Variants in CACNA1E observed in about 807,000 individuals in gnomAD.
CACNA1E encodes the protein calcium voltage-gated channel subunit alpha1 E, also known as voltage-dependent R-type calcium channel subunit alpha-1E.
CACNA1E carries 40 observed loss-of-function variants against 259.2 expected under a neutral mutation model. The observed-to-expected ratio is 0.15, with a 90% confidence interval of 0.12 to 0.20. The LOEUF (loss-of-function observed/expected upper bound fraction) is 0.20, where lower values mean the gene tolerates loss of function less well. Ranked by LOEUF, CACNA1E falls within the 10% of genes least tolerant of loss-of-function variation. CACNA1E has a pLI of 1.00. For missense variants in CACNA1E, 1,874 were observed against 3,040.1 expected, an observed-to-expected ratio of 0.62 and a Z score of 9.02; for synonymous variants, 1,104 against 1,138.5, an observed-to-expected ratio of 0.97 and a Z score of 0.61.
In CACNA1E at chr1:181,410,822, A is replaced by G. The variant is rs1245240132; in HGVS notation, c.-14-2311A>G. On this transcript the variant is annotated intron_variant, in intron 1 of 11. Transcript: ENST00000524607. ...ATCCATAAAATGATATGGTTAGATC[A>G]TTATAATTCCTAACCATTGAAATAG... is the stretch of plus-strand genomic sequence containing the variant. 3.3e-5 allele frequency among the ~76,000 whole-genome samples: 5 copies of G among 152,340 alleles called. No individual in the cohort carries two copies. In the East Asian group the frequency reaches 9.6e-4, roughly 29 times the overall value.
chr1:181,701,740 C>T (rs1652280589), intron 7 of CACNA1E, among the ~76,000 whole-genome samples: 1 of 152,172 alleles, frequency 6.6e-6, no homozygotes, highest in South Asian at 2.1e-4. Context: ...CATGTGAGAA[C>T]TCATAACTTT....
At chr1:181,429,001 G>A (rs897420671) in intron 2 of CACNA1E, among the ~76,000 whole-genome samples, 1 of 152,058 alleles carries the variant, frequency 6.6e-6, no homozygotes, top group African/African-American at 2.4e-5. Context: ...GGCCAATATG[G>A]TGAAACCCCA....
chr1:181,399,365 T>G (rs1342232315), intron 1 of CACNA1E, among the ~76,000 whole-genome samples: 3 of 152,230 alleles, frequency 2.0e-5, no homozygotes, highest in Non-Finnish European at 4.4e-5. Context: ...CCTCTCTTCA[T>G]TGTTTTTATT....
intron 3 of CACNA1E, among the ~76,000 whole-genome samples, chr1:181,561,725 GAATGTAGCTGTGATAAAT>G (rs1649346662): frequency 6.6e-6 from 1 of 152,192 alleles, no homozygotes; most frequent in South Asian, 2.1e-4. Flanking sequence ...GGGCAATTAT[GAATGTAGCTGTGATAAAT>G]AACTATTCAT....
At chr1:181,483,078 C>T (rs949779998), upstream of CACNA1E, among the ~76,000 whole-genome samples, 2 of 152,244 alleles carry the variant, frequency 1.3e-5, no homozygotes, top group Non-Finnish European at 2.9e-5. Flanking sequence ...CTCCCCACCT[C>T]CCTCCCTCTT....
At chr1:181,726,189 CCCTGAGCT>C in intron 18 of CACNA1E, 27 bp downstream of exon 18, 1 of 1,517,382 alleles carries the variant, frequency 6.6e-7, no homozygotes, top group Non-Finnish European at 9.1e-7. Context: ...CTTCACTGAT[CCCTGAGCT>C]CCTGTGCTAA....
intron 6 of CACNA1E, among the ~76,000 whole-genome samples, chr1:181,618,943 A>G (rs865985512): frequency 1.3e-5 from 2 of 152,252 alleles, no homozygotes; most frequent in Middle Eastern, 3.2e-3. Flanking sequence ...TTAAATTCAT[A>G]GATACATGAT....
intron 3 of CACNA1E, among the ~76,000 whole-genome samples, chr1:181,529,737 C>G (rs1192660011): frequency 6.6e-6 from 1 of 152,144 alleles, no homozygotes; most frequent in Non-Finnish European, 1.5e-5. Context: ...CCCTGCAACA[C>G]CTTTGTTTTG....
chr1:181,508,984 G>T (rs574707090), intron 1 of CACNA1E, among the ~76,000 whole-genome samples: 195 of 152,246 alleles, frequency 1.3e-3, no homozygotes, highest in Non-Finnish European at 1.6e-3. Context: ...GGTCTCTGGG[G>T]TCTGTGTGCT....
rs79319205 is a variant in CACNA1E, at chr1:181,347,417, G to A, written c.-15+29294G>A. On this transcript the variant is annotated intron_variant, in intron 1 of 11. Coordinates refer to the CACNA1E transcript ENST00000524607. ...TTTTTTCCTCCCATCCCCAGATGGT[G>A]GTTTGGTGTTTTTGTCTATGAATCA... is the stretch of plus-strand genomic sequence containing the variant. 9.3e-4 allele frequency among the ~76,000 whole-genome samples: 141 copies of A among 152,290 alleles called. 5 individuals are homozygous for A. In the East Asian group the frequency reaches 0.026, roughly 28 times the overall value.
At chr1:181,406,181 T>C (rs1273664290) in intron 1 of CACNA1E, among the ~76,000 whole-genome samples, 1 of 152,220 alleles carries the variant, frequency 6.6e-6, no homozygotes, top group Admixed American at 6.5e-5. Context: ...CTCTTTCCCA[T>C]CTTCCAGGCC....
chr1:181,324,048 G>T (rs1043311066), intron 1 of CACNA1E, among the ~76,000 whole-genome samples: 5 of 152,214 alleles, frequency 3.3e-5, no homozygotes, highest in Middle Eastern at 3.2e-3. Context: ...AATCACTTAA[G>T]TTCTCCCTGC....
At chr1:181,574,307 A>G (rs939188202) in intron 3 of CACNA1E, among the ~76,000 whole-genome samples, 7 of 152,224 alleles carry the variant, frequency 4.6e-5, no homozygotes, top group African/African-American at 1.7e-4. Flanking sequence ...AAAAAAGAAT[A>G]TTAGAAGATC....
intron 3 of CACNA1E, among the ~76,000 whole-genome samples, chr1:181,528,926 A>G (rs1454004067): frequency 6.6e-6 from 1 of 152,208 alleles, no homozygotes; most frequent in African/African-American, 2.4e-5. Context: ...CCATTTTTTG[A>G]GGAGAAATTC....
chr1:181,484,590 A>G (rs1481221549), intron 1 of CACNA1E, among the ~76,000 whole-genome samples: 1 of 152,218 alleles, frequency 6.6e-6, no homozygotes, highest in Admixed American at 6.5e-5. Context: ...CTTAAGTTTA[A>G]GTTCCACTGA....
intron 7 of CACNA1E, among the ~76,000 whole-genome samples, chr1:181,654,988 A>C (rs1659088733): frequency 6.6e-6 from 1 of 150,722 alleles, no homozygotes; most frequent in Admixed American, 6.6e-5. Flanking sequence ...ATCTCAAAAA[A>C]AAAAAAAAAA....
chr1:181,456,908 T>C (rs749288632), intron 2 of CACNA1E, among the ~76,000 whole-genome samples: 16 of 152,292 alleles, frequency 1.1e-4, no homozygotes, highest in South Asian at 2.1e-4. Flanking sequence ...CCCTAGAGAT[T>C]TGAAAAGGGA....
chr1:181,756,815 G>A (rs551001544), intron 29 of CACNA1E, 110 bp from the exon 30 acceptor site: 1 of 749,018 alleles, frequency 1.3e-6, no homozygotes, highest in Non-Finnish European at 2.3e-6. Flanking sequence ...AATTAATGGA[G>A]GATCTGCAAA....
Position 181,721,784 on chromosome 1 carries a change from G to A in CACNA1E, c.1983G>A (p.Glu661=), listed in dbSNP as rs755980357. The part of the protein sequence containing the change: ...FQILTGEDWN[E]VMYNGIRSQG... Reference sequence around the variant, plus strand: ...TCCTGACGGGTGAGGACTGGAATGAGGTGATGTACAATGGGATCCGCTCCC... The same window carrying A: ...TCCTGACGGGTGAGGACTGGAATGAAGTGATGTACAATGGGATCCGCTCCC... The change falls in exon 16 of 48, where the codon GAG becomes GAA. Residue 661 remains glutamate, a synonymous_variant. Transcript: ENST00000367573. 10 of 1,612,860 alleles carry A rather than the reference G, an allele frequency of 6.2e-6. No homozygotes were observed. The Admixed American group carries it at 1.7e-4, about 27-fold the overall frequency.
Sources: gnomAD v4.1 joint callset for allele counts (sites outside exome capture counted in the v4.1 genomes callset) on GRCh38, gnomAD v4.1.1 for gene constraint, MANE v1.5 for transcripts, NCBI Gene and HGNC (gene_info 2026-07-23, HGNC 2026-07-21) for gene names.